ERBIN: variants seen among roughly 807,000 people sequenced by gnomAD.
ERBIN encodes the protein erbb2 interacting protein.
In ERBIN, 60 loss-of-function variants were observed where a neutral mutation model predicts 158.4. That is an observed-to-expected ratio of 0.38 (90% confidence interval 0.31 to 0.47). ERBIN has a LOEUF of 0.47. ERBIN is among the 20% of genes least tolerant of loss of function. ERBIN has a pLI of 0.99. For missense variants in ERBIN, 1,610 were observed against 1,648.0 expected (o/e 0.98, Z 0.40); for synonymous variants, 594 against 557.2 (o/e 1.07, Z -0.93).
intron 21 of ERBIN, chr5:66,069,031 A>G (rs916019711): frequency 6.6e-6 from 10 of 1,504,286 alleles, no homozygotes; most frequent in African/African-American, 1.4e-5. Context: ...GTGAGTACCT[A>G]CACTAGACCA....
At chr5:65,948,492 TTAAA>T (rs1186425745) in intron 1 of ERBIN, among the ~76,000 whole-genome samples, 1 of 151,986 alleles carries the variant, frequency 6.6e-6, no homozygotes, top group South Asian at 2.1e-4. Flanking sequence ...TTTTTTCTAT[TTAAA>T]TAATAAAAAG....
intron 14 of ERBIN, among the ~76,000 whole-genome samples, chr5:66,031,773 A>G (rs1227001289): frequency 1.3e-5 from 2 of 152,236 alleles, no homozygotes; most frequent in Admixed American, 6.5e-5. Context: ...TCTAGGTTAT[A>G]GTGAGCTATG....
intron 23 of ERBIN, chr5:66,075,977 AATAATATAC>A (rs1761951347): frequency 1.4e-5 from 3 of 208,074 alleles, no homozygotes; most frequent in African/African-American, 7.1e-5. Context: ...GGAAACTGAT[AATAATATAC>A]ATGTTTTGTG....
In ERBIN at chr5:66,076,988, A is replaced by G. The variant is rs376399953; in HGVS notation, c.4131+39A>G. ...ATCTTTTTTTTTTTCATTTTATAAC[A>G]CTCTAATGTTTTCACAGTTTAAAAT... On this transcript the variant is annotated intron_variant, in intron 25 of 25. Coordinates refer to ENST00000284037, the MANE Select transcript of ERBIN (RefSeq NM_001253697.2). 6.7e-6 allele frequency: 9 copies of G among 1,352,932 alleles called. No individual in the cohort carries two copies. In the African/African-American group the frequency reaches 1.1e-4, roughly 16 times the overall value. The allele number at this position is 1,352,932 out of a possible 1,614,324, so 83.8% of individuals were successfully genotyped here.
At chr5:66,029,066 T>G (rs1384619342) in intron 14 of ERBIN, among the ~76,000 whole-genome samples, 3 of 152,208 alleles carry the variant, frequency 2.0e-5, no homozygotes, top group Non-Finnish European at 4.4e-5. Context: ...CATCCATTCA[T>G]GGGCTCTTAG....
intron 1 of ERBIN, among the ~76,000 whole-genome samples, chr5:65,938,523 C>T (rs1744367396): frequency 6.6e-6 from 1 of 151,528 alleles, no homozygotes; most frequent in African/African-American, 2.4e-5. Context: ...AGATGTGGTC[C>T]CACTCCGTTG....
intron 22 of ERBIN, among the ~76,000 whole-genome samples, chr5:66,074,633 T>C (rs957886006): frequency 3.3e-5 from 5 of 152,214 alleles, no homozygotes; most frequent in East Asian, 1.9e-4. Flanking sequence ...GGAAAAGATA[T>C]GCATCTCATA....
intron 21 of ERBIN, among the ~76,000 whole-genome samples, chr5:66,059,526 T>C (rs1329592012): frequency 6.6e-6 from 1 of 152,206 alleles, no homozygotes; most frequent in Non-Finnish European, 1.5e-5. Flanking sequence ...GAATACCCTT[T>C]ATTTCCTTCT....
chr5:66,069,776 C>T lies in ERBIN; in HGVS notation c.3634-2393C>T, dbSNP rs564881960. On this transcript the variant is annotated intron_variant, in intron 21 of 25. Transcript: ENST00000284037. ...TTTGTCTCTAATAACCCTGTTTTATCCCCTCCCCATAGTTTCCTTGTGAAG... is the reference window on the plus strand; with the variant it reads ...TTTGTCTCTAATAACCCTGTTTTATTCCCTCCCCATAGTTTCCTTGTGAAG... Among the ~76,000 whole-genome samples the T allele has an allele frequency of 1.7e-4, 26 of 152,256 alleles. No individual in the cohort carries two copies. The South Asian group carries it at 5.0e-3, about 29-fold the overall frequency.
At chr5:66,042,492 A>G (rs1036440615) in intron 15 of ERBIN, among the ~76,000 whole-genome samples, 10 of 151,990 alleles carry the variant, frequency 6.6e-5, no homozygotes, top group South Asian at 2.1e-4. Flanking sequence ...CTAACCCAAA[A>G]TTCAAACTAT....
intron 13 of ERBIN, among the ~76,000 whole-genome samples, chr5:66,027,915 C>T (rs1355672345): frequency 2.0e-5 from 3 of 152,008 alleles, no homozygotes; most frequent in Admixed American, 1.3e-4. Flanking sequence ...ACAGTTTGTT[C>T]TCCCTAAGTA....
rs1758096824 is a variant in ERBIN, at chr5:66,043,281, G to A, written c.1428+83G>A. 3.7e-6 allele frequency: 5 copies of A among 1,358,750 alleles called. No homozygotes were observed. In the East Asian group the frequency reaches 1.2e-4, roughly 32 times the overall value. The allele number at this position is 1,358,750 out of a possible 1,614,324, so 84.2% of individuals were successfully genotyped here. On this transcript the variant is annotated intron_variant, in intron 16 of 25. Coordinates refer to ENST00000284037, the MANE Select transcript of ERBIN (RefSeq NM_001253697.2). ...TATTATATATACTATGATGTCTGGG[G>A]ATATAACAAAGTATTGAATTTATTC...
At chr5:65,949,996 C>G (rs1043088732) in intron 1 of ERBIN, among the ~76,000 whole-genome samples, 1 of 151,274 alleles carries the variant, frequency 6.6e-6, no homozygotes, top group African/African-American at 2.4e-5. Flanking sequence ...CTGCCCAGCC[C>G]AATTTTCAGG....
At chr5:66,047,437 G>C (rs1758555728) in intron 18 of ERBIN, among the ~76,000 whole-genome samples, 1 of 151,782 alleles carries the variant, frequency 6.6e-6, no homozygotes, top group African/African-American at 2.4e-5. Flanking sequence ...GTGAATTTTT[G>C]TGTACAGGTT....
At chr5:65,975,950 C>G (rs1049719687) in intron 1 of ERBIN, among the ~76,000 whole-genome samples, 2 of 152,166 alleles carry the variant, frequency 1.3e-5, no homozygotes, top group African/African-American at 4.8e-5. Context: ...AGGGTTCTTT[C>G]TAGTTAATTT....
intron 1 of ERBIN, among the ~76,000 whole-genome samples, chr5:65,960,669 C>G (rs1233403593): frequency 6.6e-6 from 1 of 152,086 alleles, no homozygotes; most frequent in East Asian, 1.9e-4. Flanking sequence ...AGATTGACAA[C>G]CAAATTATAA....
chr5:65,957,584 A>G (rs1213384139), intron 1 of ERBIN, among the ~76,000 whole-genome samples: 1 of 152,262 alleles, frequency 6.6e-6, no homozygotes, highest in Admixed American at 6.5e-5. Flanking sequence ...TTCTTAGTAC[A>G]GAACAAAATG....
At chr5:66,034,538 C>T (rs1283259152) in intron 14 of ERBIN, among the ~76,000 whole-genome samples, 3 of 151,844 alleles carry the variant, frequency 2.0e-5, no homozygotes, top group African/African-American at 7.3e-5. Context: ...CCACCCACCT[C>T]GGCCTCCCAA....
chr5:66,031,278 G>T (rs1353932111), intron 14 of ERBIN, among the ~76,000 whole-genome samples: 1 of 152,236 alleles, frequency 6.6e-6, no homozygotes, highest in African/African-American at 2.4e-5. Flanking sequence ...TTCATGAGCT[G>T]CTGAAGGCAT....
Sources: allele counts gnomAD v4.1 joint callset (sites outside exome capture counted in the v4.1 genomes callset), GRCh38; gene constraint gnomAD v4.1.1; transcripts MANE v1.5; gene names NCBI Gene and HGNC (gene_info 2026-07-23, HGNC 2026-07-21).